The following TOGARAM2 variants were observed in gnomAD, a reference collection of about 807,000 sequenced individuals.
TOGARAM2 encodes TOG array regulator of axonemal microtubules 2.
A neutral mutation model predicts 93.3 loss-of-function variants in TOGARAM2; 85 were observed. The ratio of observed to expected loss-of-function variants is 0.91; its 90% confidence interval spans 0.76 to 1.09. The LOEUF (loss-of-function observed/expected upper bound fraction) is 1.09. Among genes scored for constraint, TOGARAM2 ranks in the 50% least tolerant of loss-of-function variants. The pLI is 0.00. For synonymous variants in TOGARAM2, 593 were observed against 552.8 expected (o/e 1.07, Z -1.02); for missense variants, 1,277 against 1,334.5 (o/e 0.96, Z 0.67).
rs1329084545 is a variant in TOGARAM2, at chr2:29,003,684, T to C, written c.830+2T>C. The stretch of plus-strand genomic sequence containing the variant: ...AGGCCTGAGGGCCCCACGCACGCGG[T>C]AAGAGCTCCAAGTCAAACCTTCCTT... On this transcript the variant is annotated splice_donor_variant, in intron 6 of 19. Transcript: ENST00000379558. LOFTEE classifies it high-confidence loss of function. 2.0e-6 allele frequency: 3 copies of C among 1,517,234 alleles called. No homozygotes were observed. Among genetic ancestry groups the C allele is most frequent in the East Asian group, 2.6e-5 (1 of 38,998 alleles). 94.0% of individuals were successfully genotyped at this position (1,517,234 alleles called of 1,614,324 possible).
At chr2:28,991,794 C>G (rs1672744566) in intron 1 of TOGARAM2, among the ~76,000 whole-genome samples, 1 of 152,198 alleles carries the variant, frequency 6.6e-6, no homozygotes, top group African/African-American at 2.4e-5. Context: ...ACTTGAGTCC[C>G]CTGTGTCACC....
Position 29,023,390 on chromosome 2 carries a change from A to G in TOGARAM2, c.1617+199A>G, listed in dbSNP as rs532546481. ...GAGGCCTAGGGTTTCCTTATTTGTAATCTTTGAGAATGGAAACAATTAGAA... is the reference window on the plus strand; with the variant it reads ...GAGGCCTAGGGTTTCCTTATTTGTAGTCTTTGAGAATGGAAACAATTAGAA... On this transcript the variant is annotated intron_variant, in intron 12 of 19. Transcript: ENST00000379558. 1.2e-4 allele frequency among the ~76,000 whole-genome samples: 19 copies of G among 152,290 alleles called. No individual in the cohort carries two copies. In the South Asian group the frequency reaches 3.7e-3, roughly 30 times the overall value.
At chr2:29,051,656 G>A in intron 19 of TOGARAM2, 100 bp from the exon 20 acceptor site, 3 of 938,860 alleles carry the variant, frequency 3.2e-6, no homozygotes, top group Non-Finnish European at 4.7e-6. Context: ...TGCCTGCTGG[G>A]CTGCCAGCCC....
chr2:28,982,897 C>T (rs1672272126), intron 1 of TOGARAM2, among the ~76,000 whole-genome samples: 1 of 152,094 alleles, frequency 6.6e-6, no homozygotes, highest in Non-Finnish European at 1.5e-5. Context: ...ATCACAGCTG[C>T]CTCCCTTCCC....
In TOGARAM2 at chr2:29,052,019, C is replaced by T. The variant is rs749796315; in HGVS notation, c.2986C>T (p.Arg996Cys). ...AGACTCAGAGTCCTTGGGAGGCAGC[C>T]GCAAGGCCACTGACAGAGGGGTGGC... ...LLDSESLGGSRKATDRGVAPD... is the reference protein window; with the variant it reads ...LLDSESLGGSCKATDRGVAPD... The change falls in exon 20 of 20, where the codon CGC (arginine) becomes TGC (cysteine). Residue 996 changes from arginine (R) to cysteine (C), a missense_variant. Transcript: ENST00000379558. The T allele has an allele frequency of 4.7e-5, 76 of 1,611,856 alleles. No homozygotes were observed. The highest frequency in any genetic ancestry group is 3.3e-4 in the Middle Eastern group (2 of 6,048).
At chr2:28,967,483 AAAC>A (rs1671883363) in intron 1 of TOGARAM2, among the ~76,000 whole-genome samples, 1 of 152,176 alleles carries the variant, frequency 6.6e-6, no homozygotes, top group African/African-American at 2.4e-5. Flanking sequence ...TCAAAAAACA[AAAC>A]AACAAGAACA....
Position 29,002,755 on chromosome 2 carries a change from G to A in TOGARAM2, c.639+8G>A, listed in dbSNP as rs773512795. 5 of 1,611,192 alleles carry A rather than the reference G, an allele frequency of 3.1e-6. No individual in the cohort carries two copies. The South Asian group carries it at 3.3e-5, about 11-fold the overall frequency. On this transcript the variant is annotated splice_region_variant and intron_variant, in intron 5 of 19. Coordinates refer to ENST00000379558, the MANE Select transcript of TOGARAM2 (RefSeq NM_199280.4). The stretch of plus-strand genomic sequence containing the variant: ...AGACCCGGTGCTCAGGAGGTAAGGT[G>A]GTTCGACTGCTGTGAGTCTGGTCCT...
intron 17 of TOGARAM2, among the ~76,000 whole-genome samples, chr2:29,036,212 AGTTGTTG>A (rs747879045): frequency 3.9e-5 from 6 of 152,186 alleles, no homozygotes; most frequent in Non-Finnish European, 8.8e-5. Flanking sequence ...TTGGAGCCCC[AGTTGTTG>A]TTGTTTATGG....
intron 10 of TOGARAM2, among the ~76,000 whole-genome samples, chr2:29,019,629 T>C (rs992228432): frequency 6.6e-6 from 1 of 152,186 alleles, no homozygotes; most frequent in Non-Finnish European, 1.5e-5. Flanking sequence ...TGTCCCTCTT[T>C]ATTTGAACTG....
rs140829400 is a variant in TOGARAM2 at position 29,035,554 on chromosome 2, G to A, written c.2316G>A (p.Arg772=). The change falls in exon 17 of 20, where the codon CGG becomes CGA. Residue 772 remains arginine (R), a synonymous_variant. Coordinates refer to ENST00000379558, the MANE Select transcript of TOGARAM2 (RefSeq NM_199280.4). ...TGGAGCAGCTACGGGAGCTGACACG[G>A]CTGCTGGAGGCCAAGGACTTCCGGT... The part of the protein sequence containing the change: ...EMVEQLRELT[R]LLEAKDFRSR... The A allele has an allele frequency of 1.0e-5, 16 of 1,587,306 alleles. No homozygotes were observed. The East Asian group carries it at 3.0e-4, about 29-fold the overall frequency.
chr2:28,977,486 A>G (rs1215199649), upstream of TOGARAM2, among the ~76,000 whole-genome samples: 1 of 152,098 alleles, frequency 6.6e-6, no homozygotes, highest in Non-Finnish European at 1.5e-5. Context: ...TCCCTGCCAT[A>G]CAATGTATGG....
intron 14 of TOGARAM2, among the ~76,000 whole-genome samples, chr2:29,029,572 C>T (rs6731730): frequency 0.25 from 37,777 of 149,952 alleles, 5,519 homozygotes; most frequent in South Asian, 0.36. Flanking sequence ...CTGGCTAATA[C>T]GGTGAAACCC....
At chr2:29,020,127 A>G (rs1664842647) in intron 10 of TOGARAM2, among the ~76,000 whole-genome samples, 2 of 152,196 alleles carry the variant, frequency 1.3e-5, no homozygotes, top group Admixed American at 1.3e-4. Context: ...ATCTAAGCTG[A>G]TCCCGACTGG....
chr2:29,015,203 C>T (rs184505796), intron 8 of TOGARAM2, among the ~76,000 whole-genome samples: 23 of 152,212 alleles, frequency 1.5e-4, no homozygotes, highest in African/African-American at 4.3e-4. Context: ...ACTGTTAAAT[C>T]AGCACCACAA....
intron 1 of TOGARAM2, among the ~76,000 whole-genome samples, chr2:28,975,177 T>C (rs1672008342): frequency 6.6e-6 from 1 of 151,982 alleles, no homozygotes; most frequent in Non-Finnish European, 1.5e-5. Context: ...AGACGTTTTA[T>C]TTTTTTAATT....
intron 1 of TOGARAM2, among the ~76,000 whole-genome samples, chr2:28,957,337 C>T (rs754447213): frequency 6.6e-6 from 1 of 151,970 alleles, no homozygotes; most frequent in Non-Finnish European, 1.5e-5. Flanking sequence ...CCCGCCACCA[C>T]GCCTGGCTCA....
intron 6 of TOGARAM2, among the ~76,000 whole-genome samples, chr2:29,005,307 T>G (rs1317497663): frequency 3.3e-4 from 22 of 65,998 alleles, no homozygotes; most frequent in African/African-American, 6.6e-4. Context: ...TGTGTGTGTG[T>G]GGGGTATGTG....
intron 11 of TOGARAM2, among the ~76,000 whole-genome samples, chr2:29,022,618 A>G (rs971961858): frequency 6.6e-6 from 1 of 152,254 alleles, no homozygotes; most frequent in Non-Finnish European, 1.5e-5. Flanking sequence ...CATGGGGCCC[A>G]GGAAGGCCGC....
chr2:29,035,420 C>T (rs982019274), intron 16 of TOGARAM2, 44 bp from the exon 17 acceptor site: 30 of 1,291,790 alleles, frequency 2.3e-5, no homozygotes, highest in Middle Eastern at 3.0e-4. Context: ...TTCATTCCCC[C>T]GGGCTCTTCC....
Sources: gnomAD v4.1 joint callset for allele counts (sites outside exome capture counted in the v4.1 genomes callset) on GRCh38, gnomAD v4.1.1 for gene constraint, MANE v1.5 for transcripts, NCBI Gene and HGNC (gene_info 2026-07-23, HGNC 2026-07-21) for gene names.